The following HAO1 variants were observed in gnomAD, a reference collection of about 807,000 sequenced individuals.
The protein encoded by HAO1 is hydroxyacid oxidase 1, also known as 2-Hydroxyacid oxidase 1.
A neutral mutation model predicts 39.7 loss-of-function variants in HAO1; 34 were observed. That is an observed-to-expected ratio of 0.86 (90% confidence interval 0.65 to 1.14). The LOEUF (loss-of-function observed/expected upper bound fraction) is 1.14. Among genes scored for constraint, HAO1 ranks in the 50% most tolerant of loss-of-function variants. The pLI is 0.00. For missense variants in HAO1, 479 were observed against 464.5 expected, an observed-to-expected ratio of 1.03 and a Z score of -0.29; for synonymous variants, 172 against 173.2, an observed-to-expected ratio of 0.99 and a Z score of 0.05.
At chr20:7,883,691 T>C in intron 7 of HAO1, 28 bp from the exon 8 acceptor site, 1 of 1,415,324 alleles carries the variant, frequency 7.1e-7, no homozygotes, top group African/African-American at 1.4e-5. Context: ...ACATTTAATA[T>C]GAACTGAATG....
chr20:7,926,116 T>G (rs748851399), intron 2 of HAO1, among the ~76,000 whole-genome samples: 2 of 152,084 alleles, frequency 1.3e-5, no homozygotes, highest in Non-Finnish European at 2.9e-5. Flanking sequence ...CTTTTTATTG[T>G]TAGAAAAGCA....
chr20:7,929,136 G>T (rs891666183), intron 2 of HAO1, among the ~76,000 whole-genome samples: 6 of 151,928 alleles, frequency 3.9e-5, no homozygotes, highest in Non-Finnish European at 8.8e-5. Context: ...TTACAAGCCT[G>T]GCTCCTAAAA....
At chr20:7,924,033 C>T (rs1400417927) in intron 2 of HAO1, among the ~76,000 whole-genome samples, 1 of 152,138 alleles carries the variant, frequency 6.6e-6, no homozygotes, top group African/African-American at 2.4e-5. Flanking sequence ...TTTCTTCTAG[C>T]CTGGCACCCT....
At chr20:7,927,836 G>A (rs1481374874) in intron 2 of HAO1, among the ~76,000 whole-genome samples, 1 of 152,194 alleles carries the variant, frequency 6.6e-6, no homozygotes, top group Non-Finnish European at 1.5e-5. Flanking sequence ...ACCAGTAACA[G>A]AGCAGGATAT....
chr20:7,935,409 A>G (rs2050405659), intron 1 of HAO1, among the ~76,000 whole-genome samples: 1 of 152,184 alleles, frequency 6.6e-6, no homozygotes, highest in Non-Finnish European at 1.5e-5. Context: ...TAGAGTTTAG[A>G]TTAGAGTTTA....
intron 5 of HAO1, among the ~76,000 whole-genome samples, chr20:7,894,570 C>G: frequency 6.6e-6 from 1 of 152,322 alleles, no homozygotes; most frequent in Admixed American, 6.5e-5. Context: ...GTTCACAACT[C>G]AGCCAGAGTA....
chr20:7,906,233 G>A lies in HAO1; in HGVS notation c.642C>T (p.Asp214=). The A allele has an allele frequency of 1.2e-6, 2 of 1,611,384 alleles. No homozygotes were observed. The highest frequency in any genetic ancestry group is 1.7e-6 in the Non-Finnish European group (2 of 1,177,606). ...TGATATCTTCCCAGCTGATAGATGG[G>A]TCTATTGCTTTAGCCACATATGCAG... ...GLAAYVAKAI[D]PSISWEDIKW... The change falls in exon 4 of 8, where the codon GAC becomes GAT. Residue 214 remains aspartate, a synonymous_variant. Coordinates refer to ENST00000378789, the MANE Select transcript of HAO1 (RefSeq NM_017545.3).
Position 7,906,143 on chromosome 20 carries a change from A to G in HAO1, c.721+11T>C, listed in dbSNP as rs2050246585. The G allele has an allele frequency of 1.9e-6, 3 of 1,591,116 alleles. No individual in the cohort carries two copies. The highest frequency in any genetic ancestry group is 3.3e-5 in the Admixed American group (2 of 59,958). On this transcript the variant is annotated intron_variant, in intron 4 of 7. Transcript: ENST00000378789. ...AAGTCAGTATGAATTCAAGTAGAGA[A>G]ATAAACGAACCTCTCAAAATGCCCT...
chr20:7,936,672 C>T (rs190432237), intron 1 of HAO1, among the ~76,000 whole-genome samples: 1 of 152,122 alleles, frequency 6.6e-6, no homozygotes, highest in Non-Finnish European at 1.5e-5. Context: ...CTTGGTGGCG[C>T]AGTCACTTTA....
At chr20:7,910,539 C>A (rs906830285) in intron 3 of HAO1, among the ~76,000 whole-genome samples, 5 of 152,076 alleles carry the variant, frequency 3.3e-5, no homozygotes, top group African/African-American at 2.4e-5. Flanking sequence ...TTCTAGATAC[C>A]CCCTGCTTTC....
At chr20:7,894,992 C>G (rs571140494) in intron 5 of HAO1, 141 bp downstream of exon 5, 2 of 631,376 alleles carry the variant, frequency 3.2e-6, no homozygotes, top group East Asian at 5.2e-5. Context: ...AACTTAAAAT[C>G]CAAGATCTCA....
At chr20:7,903,108 GC>G (rs1269153772) in intron 4 of HAO1, among the ~76,000 whole-genome samples, 1 of 152,178 alleles carries the variant, frequency 6.6e-6, no homozygotes, top group Admixed American at 6.6e-5. Context: ...AACTGGCCCT[GC>G]CACTGCTCCC....
At position 7,934,616 on chromosome 20, in the gene HAO1, T is replaced by A. The variant is rs370284483; in HGVS notation, c.157A>T (p.Met53Leu). ...AFSRWKLYPR[M>L]LRNVAETDLS... ...TCTGTTTCAGCAACATTCCGGAGCA[T>A]CCTTGGATACAGCTTCCATCTAGAA... Residue 53 changes from methionine to leucine, a missense_variant, in exon 2 of 8, where the codon ATG becomes TTG. Transcript: ENST00000378789. 38 of 1,606,982 alleles carry A rather than the reference T, an allele frequency of 2.4e-5. No homozygotes were observed. In the East Asian group the frequency reaches 2.7e-4, roughly 11 times the overall value.
At chr20:7,916,643 C>T (rs2050308255) in intron 2 of HAO1, among the ~76,000 whole-genome samples, 1 of 152,184 alleles carries the variant, frequency 6.6e-6, no homozygotes, top group African/African-American at 2.4e-5. Flanking sequence ...TAAATAGTAC[C>T]ATAGCCATTA....
intron 5 of HAO1, among the ~76,000 whole-genome samples, chr20:7,890,948 T>G (rs1211591919): frequency 6.6e-6 from 1 of 152,194 alleles, no homozygotes; most frequent in Admixed American, 6.5e-5. Context: ...ACTCATTGAT[T>G]GATGGGCTTT....
intron 2 of HAO1, among the ~76,000 whole-genome samples, chr20:7,929,059 TTTTGTTTGTTTGTTTG>T (rs10543894): frequency 0.013 from 1,991 of 150,814 alleles, 38 homozygotes; most frequent in African/African-American, 0.043. Flanking sequence ...TTGCACTGTT[TTTTGTTTGTTTGTTTG>T]TTTGTTTGTT....
At chr20:7,893,564 C>G (rs769902829) in intron 5 of HAO1, among the ~76,000 whole-genome samples, 18 of 152,078 alleles carry the variant, frequency 1.2e-4, no homozygotes, top group Non-Finnish European at 1.9e-4. Flanking sequence ...TTTTGCAGAC[C>G]CTGTACCTGG....
In HAO1 at chr20:7,890,158, G is replaced by T. The variant is rs186395645; in HGVS notation, c.814-4294C>A. 3.3e-5 allele frequency among the ~76,000 whole-genome samples: 5 copies of T among 152,198 alleles called. No individual in the cohort carries two copies. The East Asian group carries it at 9.7e-4, about 29-fold the overall frequency. ...AAAGTGTGAGGCAAAACTCAAGCAA[G>T]TATCTCCCCTCATGTATACGACATG... On this transcript the variant is annotated intron_variant, in intron 5 of 7. Transcript: ENST00000378789.
At chr20:7,911,011 G>A (rs973925656) in intron 3 of HAO1, among the ~76,000 whole-genome samples, 27 of 152,158 alleles carry the variant, frequency 1.8e-4, no homozygotes, top group African/African-American at 5.6e-4. Flanking sequence ...TATTAGTCAT[G>A]CGTTGATTCT....
Sources: gnomAD v4.1 joint callset for allele counts (sites outside exome capture counted in the v4.1 genomes callset) on GRCh38, gnomAD v4.1.1 for gene constraint, MANE v1.5 for transcripts, NCBI Gene and HGNC (gene_info 2026-07-23, HGNC 2026-07-21) for gene names.